Variants in ASTN2 observed in about 807,000 individuals in gnomAD.
The protein encoded by ASTN2 is astrotactin-2.
A neutral mutation model predicts 139.8 loss-of-function variants in ASTN2; 54 were observed. The ratio of observed to expected loss-of-function variants is 0.39; its 90% CI spans 0.31 to 0.48. The LOEUF (loss-of-function observed/expected upper bound fraction) is 0.48. Ranked by LOEUF, ASTN2 falls within the 20% of genes least tolerant of loss-of-function variation. ASTN2 has a pLI of 0.95. For synonymous variants in ASTN2, 756 were observed against 719.5 expected (o/e 1.05, Z -0.81); for missense variants, 1,565 against 1,725.1 (o/e 0.91, Z 1.64).
intron 19 of ASTN2, among the ~76,000 whole-genome samples, chr9:116,489,384 T>G (rs2119092132): frequency 6.6e-6 from 1 of 152,278 alleles, no homozygotes; most frequent in South Asian, 2.1e-4. Context: ...TTGCCAAGTC[T>G]GGAGTGCAGT....
At chr9:116,789,832 C>T (rs1455508023) in intron 13 of ASTN2, among the ~76,000 whole-genome samples, 1 of 151,782 alleles carries the variant, frequency 6.6e-6, no homozygotes, top group East Asian at 1.9e-4. Flanking sequence ...TAAGTGGTAT[C>T]TCACAGATCC....
chr9:116,978,270 G>A (rs1287470376), intron 7 of ASTN2, among the ~76,000 whole-genome samples: 2 of 152,064 alleles, frequency 1.3e-5, no homozygotes, highest in Non-Finnish European at 2.9e-5. Context: ...ACACCTCTAG[G>A]GAAATGCTAG....
intron 19 of ASTN2, among the ~76,000 whole-genome samples, chr9:116,535,175 G>A (rs1851559508): frequency 6.6e-6 from 1 of 152,136 alleles, no homozygotes. Flanking sequence ...CAGAGTCTAG[G>A]ATTGCAACCT....
intron 16 of ASTN2, among the ~76,000 whole-genome samples, chr9:116,663,095 T>C (rs1436076921): frequency 6.6e-6 from 1 of 152,198 alleles, no homozygotes; most frequent in Non-Finnish European, 1.5e-5. Flanking sequence ...TCCTTCCCAA[T>C]TCCTTCCTCC....
At position 116,872,566 on chromosome 9, in the gene ASTN2, G is replaced by A. The variant is rs537733178; in HGVS notation, c.1890-8833C>T. Among the ~76,000 whole-genome samples, 43 of 152,290 alleles carry A rather than the reference G, an allele frequency of 2.8e-4. No individual in the cohort carries two copies. In the South Asian group the frequency reaches 7.9e-3, roughly 28 times the overall value. ...CACAGGAATGGATGTAACAGAGCTT[G>A]TGCTAGGCAGGAGGAAAAACACTAA... is the stretch of plus-strand genomic sequence containing the variant. On this transcript the variant is annotated intron_variant, in intron 10 of 22. Coordinates refer to ENST00000313400, the MANE Select transcript of ASTN2 (RefSeq NM_001365068.1).
intron 13 of ASTN2, among the ~76,000 whole-genome samples, chr9:116,783,401 C>T (rs962554212): frequency 2.0e-5 from 3 of 146,582 alleles, no homozygotes; most frequent in East Asian, 2.1e-4. Context: ...ATCTTGTTAA[C>T]GACCTACCAC....
At chr9:116,949,927 C>G (rs1835510181) in intron 10 of ASTN2, among the ~76,000 whole-genome samples, 1 of 152,020 alleles carries the variant, frequency 6.6e-6, no homozygotes, top group South Asian at 2.1e-4. Flanking sequence ...CACACTTAGA[C>G]CACTGTCTAG....
chr9:117,012,028 G>T (rs6478268), intron 6 of ASTN2, among the ~76,000 whole-genome samples: 1 of 152,060 alleles, frequency 6.6e-6, no homozygotes, highest in Admixed American at 6.6e-5. Context: ...GTCATGACTC[G>T]TTAGTCCTTA....
chr9:116,458,323 G>C (rs1241584806), intron 20 of ASTN2, among the ~76,000 whole-genome samples: 2 of 151,756 alleles, frequency 1.3e-5, no homozygotes, highest in Non-Finnish European at 2.9e-5. Context: ...AGTGACTACA[G>C]TCAACAATTT....
intron 10 of ASTN2, among the ~76,000 whole-genome samples, chr9:116,969,892 G>A (rs2132516879): frequency 6.6e-6 from 1 of 152,194 alleles, no homozygotes; most frequent in South Asian, 2.1e-4. Flanking sequence ...CCACAAACTG[G>A]GGCAGCTTCA....
Position 117,414,550 on chromosome 9 carries a change from C to T in ASTN2, c.389G>A (p.Arg130His). 2 of 1,603,740 alleles carry T rather than the reference C, an allele frequency of 1.2e-6. No homozygotes were observed. The highest frequency in any genetic ancestry group is 2.7e-5 in the African/African-American group (2 of 73,808). Residue 130 changes from arginine to histidine, a missense_variant, in exon 1 of 23, where the codon CGC becomes CAC. Physicochemically the swap from Arg to His is conservative, Grantham distance 29. Transcript: ENST00000313400. This position sits in a 1 kb window ranked among gnomAD's most constrained non-coding sequence, Gnocchi z 4.2. Reference protein sequence around the residue: ...LLFVRNELPGRIAVQDDLDNT... With the variant: ...LLFVRNELPGHIAVQDDLDNT... ...GTCCAGGTCGTCCTGCACCGCGATG[C>T]GCCCCGGCAGCTCGTTACGCACAAA...
At chr9:116,922,960 A>G (rs948273949) in intron 10 of ASTN2, among the ~76,000 whole-genome samples, 8 of 152,220 alleles carry the variant, frequency 5.3e-5, no homozygotes, top group African/African-American at 1.9e-4. Flanking sequence ...GGGGCCTTAT[A>G]GGGCAGAGGT....
At chr9:116,490,303 AG>A (rs1429567296) in intron 19 of ASTN2, among the ~76,000 whole-genome samples, 5 of 104,516 alleles carry the variant, frequency 4.8e-5, no homozygotes, top group Non-Finnish European at 8.0e-5. Flanking sequence ...AAAAAAAAAA[AG>A]GGGGCATTGG....
At chr9:116,475,519 G>C (rs1306864489) in intron 20 of ASTN2, among the ~76,000 whole-genome samples, 1 of 152,108 alleles carries the variant, frequency 6.6e-6, no homozygotes, top group East Asian at 1.9e-4. Flanking sequence ...TTGTACCACT[G>C]TCCTGCTCTC....
chr9:117,165,187 C>CTCTCCT (rs201370212), intron 3 of ASTN2, among the ~76,000 whole-genome samples: 5 of 152,052 alleles, frequency 3.3e-5, no homozygotes, highest in South Asian at 4.2e-4. Context: ...ATCCCTCTCC[C>CTCTCCT]GCCATTTGCA....
intron 5 of ASTN2, among the ~76,000 whole-genome samples, chr9:117,094,009 A>G (rs931527020): frequency 6.6e-6 from 1 of 151,846 alleles, no homozygotes; most frequent in African/African-American, 2.4e-5. Context: ...GGAATTTTAA[A>G]TTGTTGTTTG....
intron 5 of ASTN2, among the ~76,000 whole-genome samples, chr9:117,074,559 A>C (rs1828226458): frequency 6.6e-6 from 1 of 152,154 alleles, no homozygotes; most frequent in Non-Finnish European, 1.5e-5. Flanking sequence ...AATGGAAGTA[A>C]AGGCTAGAGA....
At chr9:116,702,384 TA>T (rs1314406186) in intron 16 of ASTN2, among the ~76,000 whole-genome samples, 2 of 152,128 alleles carry the variant, frequency 1.3e-5, no homozygotes, top group African/African-American at 4.8e-5. Flanking sequence ...ATTTGGTGAT[TA>T]AAACCTTTCT....
rs879913057 is a variant in ASTN2, at chr9:117,308,220, TCAA to T, written c.443-16710_443-16708del. Among the ~76,000 whole-genome samples, 122 of 76,666 alleles carry T rather than the reference TCAA, an allele frequency of 1.6e-3. 1 individual carries two copies. The highest frequency in any genetic ancestry group is 3.8e-3 in the Non-Finnish European group (102 of 26,852). 50.3% of individuals were successfully genotyped at this position (76,666 alleles called of 152,430 possible). A position where few individuals can be genotyped will look rare whatever the true frequency, so the allele number is the denominator to read the frequency against. On this transcript the variant is annotated intron_variant, in intron 1 of 22. Coordinates refer to ENST00000313400, the MANE Select transcript of ASTN2 (RefSeq NM_001365068.1). ...GTCCTGGATGCTGGGGCAAAATCAA[TCAA>T]TCAATCAATCAATCAATCAATCAAT...
Sources: allele counts gnomAD v4.1 joint callset (sites outside exome capture counted in the v4.1 genomes callset), GRCh38; gene constraint gnomAD v4.1.1; non-coding constraint Gnocchi (gnomAD v3.1); transcripts MANE v1.5; gene names NCBI Gene and HGNC (gene_info 2026-07-23, HGNC 2026-07-21).